FOLH1: variants seen among roughly 807,000 people sequenced by gnomAD.
The protein encoded by FOLH1 is glutamate carboxypeptidase 2.
Under a neutral mutation model 93.9 loss-of-function variants are expected in FOLH1, and 54 were observed. The observed-to-expected ratio is 0.57, with a 90% confidence interval of 0.46 to 0.72. The LOEUF is 0.72. Ranked by LOEUF, FOLH1 falls within the 30% of genes least tolerant of loss-of-function variation. FOLH1 has a pLI of 0.00. For missense variants in FOLH1, 571 were observed against 892.5 expected (o/e 0.64, Z 4.59); for synonymous variants, 249 against 303.6 (o/e 0.82, Z 1.87).
At chr11:49,152,430 A>T (rs1485245557) in intron 17 of FOLH1, among the ~76,000 whole-genome samples, 1 of 152,202 alleles carries the variant, frequency 6.6e-6, no homozygotes, top group Non-Finnish European at 1.5e-5. Flanking sequence ...CATATGCTTC[A>T]GTGTACCAGC....
chr11:49,194,342 T>C (rs1862406255), intron 3 of FOLH1, among the ~76,000 whole-genome samples: 1 of 151,916 alleles, frequency 6.6e-6, no homozygotes, highest in African/African-American at 2.4e-5. Flanking sequence ...AGGTTTGTAG[T>C]GCTCCCTGGG....
Position 49,207,936 on chromosome 11 carries a change from A to AC in FOLH1, c.118+355_118+356insG, listed in dbSNP as rs752547597. On this transcript the variant is annotated intron_variant, in intron 1 of 18. Coordinates refer to ENST00000256999, the MANE Select transcript of FOLH1 (RefSeq NM_004476.3). ...AAGAAAGAATGCACAGAGAGGTAAA[A>AC]AAACAAACAAACAAACAAAACAAAA... is the stretch of plus-strand genomic sequence containing the variant. 5.7e-4 allele frequency: 280 copies of AC among 487,958 alleles called. 1 individual carries two copies. Among genetic ancestry groups the AC allele is most frequent in the African/African-American group, 5.2e-3 (252 of 48,294 alleles). 30.2% of individuals were successfully genotyped at this position (487,958 alleles called of 1,614,324 possible).
chr11:49,149,889 C>T (rs1179266121), intron 17 of FOLH1, among the ~76,000 whole-genome samples: 2 of 152,002 alleles, frequency 1.3e-5, no homozygotes, highest in Non-Finnish European at 1.5e-5. Context: ...AAAAGTTTTC[C>T]ATATTTAAAA....
intron 7 of FOLH1, 116 bp from the exon 8 acceptor site, chr11:49,176,073 G>C (rs928843182): frequency 4.7e-5 from 42 of 899,942 alleles, no homozygotes; most frequent in African/African-American, 1.0e-4. Context: ...TGAGTGCAAA[G>C]TGCTTTGAAT....
chr11:49,155,542 A>G, intron 15 of FOLH1: 1 of 238,160 alleles, frequency 4.2e-6, no homozygotes, highest in Non-Finnish European at 8.5e-6. Context: ...CCATTTTTAT[A>G]ACTGTGAGAA....
chr11:49,196,784 T>G (rs1316606047), intron 3 of FOLH1, among the ~76,000 whole-genome samples: 1 of 152,152 alleles, frequency 6.6e-6, no homozygotes, highest in East Asian at 1.9e-4. Context: ...CCATAATTAA[T>G]GGTGAGAAAG....
intron 10 of FOLH1, among the ~76,000 whole-genome samples, chr11:49,171,582 C>T (rs1859300395): frequency 6.6e-6 from 1 of 151,980 alleles, no homozygotes; most frequent in South Asian, 2.1e-4. Flanking sequence ...CTGCAACTGC[C>T]TAGAACAAAG....
intron 12 of FOLH1, among the ~76,000 whole-genome samples, chr11:49,167,730 C>T (rs1858584582): frequency 6.6e-6 from 1 of 152,032 alleles, no homozygotes; most frequent in South Asian, 2.1e-4. Context: ...TGGAGGATCA[C>T]TTGAGCCTGG....
At chr11:49,158,654 C>T (rs1242407877) in intron 13 of FOLH1, among the ~76,000 whole-genome samples, 1 of 152,054 alleles carries the variant, frequency 6.6e-6, no homozygotes, top group Non-Finnish European at 1.5e-5. Flanking sequence ...ACAGATTTTT[C>T]AAATTCTGTG....
At chr11:49,189,936 C>T (rs1436963003) in intron 4 of FOLH1, among the ~76,000 whole-genome samples, 4 of 152,048 alleles carry the variant, frequency 2.6e-5, no homozygotes, top group African/African-American at 4.8e-5. Context: ...TGAATCTTTG[C>T]CTCTGTAAAA....
chr11:49,191,861 C>T (rs1272899732), intron 4 of FOLH1, among the ~76,000 whole-genome samples: 4 of 152,126 alleles, frequency 2.6e-5, no homozygotes, highest in Non-Finnish European at 5.9e-5. Context: ...CCGCATCTGG[C>T]TAATTATTTT....
At chr11:49,169,838 T>C (rs1193882091) in intron 11 of FOLH1, among the ~76,000 whole-genome samples, 1 of 152,184 alleles carries the variant, frequency 6.6e-6, no homozygotes, top group African/African-American at 2.4e-5. Flanking sequence ...TTTTGAGATA[T>C]CAATGTGAAT....
intron 13 of FOLH1, among the ~76,000 whole-genome samples, chr11:49,159,294 G>C (rs999786370): frequency 6.6e-6 from 1 of 152,030 alleles, no homozygotes; most frequent in Non-Finnish European, 1.5e-5. Flanking sequence ...ATTATTTTGA[G>C]GTTTGCTCCT....
In FOLH1 at chr11:49,199,185, A is replaced by G. The variant is rs569340632; in HGVS notation, c.411+1070T>C. Among the ~76,000 whole-genome samples the G allele has an allele frequency of 5.9e-3, 896 of 152,314 alleles. 12 individuals carry two copies. The highest frequency in any genetic ancestry group is 0.021 in the African/African-American group (857 of 41,574). ...ACATATTTCAAGCTACATGTAATTA[A>G]GAGTGCCCAGTAATAAAAGGACTAA... On this transcript the variant is annotated intron_variant, in intron 3 of 18. Transcript: ENST00000256999.
At chr11:49,180,264 C>A (rs583850) in intron 7 of FOLH1, among the ~76,000 whole-genome samples, 135,720 of 152,202 alleles carry the variant, frequency 0.89, 60,548 homozygotes, top group South Asian at 0.95. Flanking sequence ...CGTAATTAGC[C>A]CTCCATGCAG....
intron 12 of FOLH1, among the ~76,000 whole-genome samples, chr11:49,166,456 G>A (rs1458805823): frequency 2.0e-5 from 3 of 152,142 alleles, no homozygotes; most frequent in Admixed American, 6.5e-5. Context: ...GTTATTGTGA[G>A]TACTGAATAA....
At chr11:49,181,933 G>A (rs1167061099) in intron 7 of FOLH1, among the ~76,000 whole-genome samples, 2 of 152,116 alleles carry the variant, frequency 1.3e-5, no homozygotes, top group Non-Finnish European at 2.9e-5. Flanking sequence ...AATAAAATTA[G>A]TAAGAAAGGC....
intron 4 of FOLH1, 46 bp downstream of exon 4, chr11:49,192,747 G>C (rs750031634): frequency 1.0e-4 from 152 of 1,500,240 alleles, no homozygotes; most frequent in Non-Finnish European, 1.3e-4. Flanking sequence ...ATGAAGAGAA[G>C]GAAGGCTTCT....
At position 49,200,442 on chromosome 11, in the gene FOLH1, C is replaced by G. The variant is rs1431799748; in HGVS notation, c.225-1G>C. On this transcript the variant is annotated splice_acceptor_variant, in intron 2 of 18. Coordinates refer to ENST00000256999, the MANE Select transcript of FOLH1 (RefSeq NM_004476.3). LOFTEE classifies it high-confidence loss of function. ...TAAATGTGGTATCTGTGTAAAATTA[C>G]TGGTGAACAAAAATTGAAAGTGGTT... 5 of 1,612,274 alleles carry G rather than the reference C, an allele frequency of 3.1e-6. No individual in the cohort carries two copies. The highest frequency in any genetic ancestry group is 4.2e-6 in the Non-Finnish European group (5 of 1,179,396).
Sources: gnomAD v4.1 joint callset for allele counts (sites outside exome capture counted in the v4.1 genomes callset) on GRCh38, gnomAD v4.1.1 for gene constraint, MANE v1.5 for transcripts, NCBI Gene and HGNC (gene_info 2026-07-23, HGNC 2026-07-21) for gene names.